The following AMBRA1 variants were observed in gnomAD, a reference collection of about 807,000 sequenced individuals.
AMBRA1 encodes autophagy and beclin 1 regulator 1.
AMBRA1 carries 47 observed loss-of-function variants against 125.4 expected under a neutral mutation model. The ratio of observed to expected loss-of-function variants is 0.37; its 90% CI spans 0.30 to 0.48. The LOEUF (loss-of-function observed/expected upper bound fraction) is 0.48, where lower values mean the gene tolerates loss of function less well. Among genes scored for constraint, AMBRA1 ranks in the 20% least tolerant of loss-of-function variants. The pLI is 0.99. For missense variants in AMBRA1, 1,331 were observed against 1,693.4 expected (o/e 0.79, Z 3.76); for synonymous variants, 626 against 655.5 (o/e 0.95, Z 0.69).
chr11:46,476,144 G>C (rs1333047532), intron 11 of AMBRA1, among the ~76,000 whole-genome samples: 1 of 152,148 alleles, frequency 6.6e-6, no homozygotes, highest in Non-Finnish European at 1.5e-5. Flanking sequence ...TAATAACAGA[G>C]AAGAGGAAAA....
intron 11 of AMBRA1, among the ~76,000 whole-genome samples, chr11:46,470,247 C>A (rs1949525022): frequency 6.6e-6 from 1 of 151,990 alleles, no homozygotes; most frequent in African/African-American, 2.4e-5. Context: ...TCAAGACCAG[C>A]CTGAGCAACA....
intron 10 of AMBRA1, 48 bp downstream of exon 10, chr11:46,494,076 C>A: frequency 6.5e-7 from 1 of 1,527,856 alleles, no homozygotes; most frequent in South Asian, 1.2e-5. Flanking sequence ...AAACTAAATC[C>A]TAGGCTCTAA....
intron 1 of AMBRA1, among the ~76,000 whole-genome samples, chr11:46,573,432 C>T (rs1332925200): frequency 6.6e-6 from 1 of 151,598 alleles, no homozygotes; most frequent in Non-Finnish European, 1.5e-5. Flanking sequence ...AAAAAAAACT[C>T]AGTCCATGCA....
intron 1 of AMBRA1, among the ~76,000 whole-genome samples, chr11:46,568,131 G>A (rs555119845): frequency 6.6e-6 from 1 of 151,008 alleles, no homozygotes; most frequent in South Asian, 2.1e-4. Flanking sequence ...CTGGGAGACA[G>A]AGTGAGACTC....
chr11:46,506,697 T>C (rs1437555486), intron 9 of AMBRA1, among the ~76,000 whole-genome samples: 1 of 152,156 alleles, frequency 6.6e-6, no homozygotes, highest in Non-Finnish European at 1.5e-5. Flanking sequence ...TTAACCGCCC[T>C]TCTCTCTCTC....
chr11:46,445,045 G>A (rs1948210138), intron 11 of AMBRA1, among the ~76,000 whole-genome samples: 1 of 144,084 alleles, frequency 6.9e-6, no homozygotes, highest in South Asian at 2.2e-4. Flanking sequence ...GTAAAAATTG[G>A]TTCAAAGGGG....
chr11:46,514,291 T>G (rs1052492563), intron 7 of AMBRA1, among the ~76,000 whole-genome samples: 1 of 152,154 alleles, frequency 6.6e-6, no homozygotes, highest in Non-Finnish European at 1.5e-5. Flanking sequence ...CCTAACAGCC[T>G]GGGGAAGAGA....
At position 46,433,610 on chromosome 11, in the gene AMBRA1, A is replaced by G. The variant is rs1261615768; in HGVS notation, c.2840T>C (p.Val947Ala). ...ATATCTGCCCATTGGGGACAGGCTCACCGAAATGGCATTGGGACCTGAGGG... is the reference window on the plus strand; with the variant it reads ...ATATCTGCCCATTGGGGACAGGCTCGCCGAAATGGCATTGGGACCTGAGGG... Reference protein sequence around the residue: ...TKRFGPNAISVSLSPMGRYVM... With the variant: ...TKRFGPNAISASLSPMGRYVM... Residue 947 changes from valine (V) to alanine (A), a missense_variant, in exon 14 of 18, where the codon GTG becomes GCG. Around this residue, in one of 4 missense-constraint regions of AMBRA1, gnomAD observed 354 missense variants for 532.7 expected, o/e 0.66. Transcript: ENST00000683756. 2 of 1,613,952 alleles carry G rather than the reference A, an allele frequency of 1.2e-6. No homozygotes were observed. Among genetic ancestry groups the G allele is most frequent in the Non-Finnish European group, 1.7e-6 (2 of 1,179,866 alleles).
intron 11 of AMBRA1, among the ~76,000 whole-genome samples, chr11:46,487,139 T>C (rs1280022352): frequency 6.6e-6 from 1 of 151,702 alleles, no homozygotes; most frequent in Admixed American, 6.6e-5. Flanking sequence ...GTGCCTACAG[T>C]TCCAGCTACT....
intron 1 of AMBRA1, among the ~76,000 whole-genome samples, chr11:46,585,695 A>AT (rs869244690): frequency 8.7e-5 from 2 of 22,912 alleles, no homozygotes; most frequent in Non-Finnish European, 1.6e-4. Context: ...AAAAAAAAAA[A>AT]ATATATATAT....
At chr11:46,513,432 TAC>T (rs1057011846) in intron 7 of AMBRA1, among the ~76,000 whole-genome samples, 1 of 152,128 alleles carries the variant, frequency 6.6e-6, no homozygotes, top group African/African-American at 2.4e-5. Context: ...ATGTGATACG[TAC>T]ATTTTATTGA....
At chr11:46,478,041 G>C (rs1309253003) in intron 11 of AMBRA1, among the ~76,000 whole-genome samples, 2 of 151,988 alleles carry the variant, frequency 1.3e-5, no homozygotes, top group East Asian at 3.9e-4. Flanking sequence ...AAAAAAGAAT[G>C]ACTGGTGAAT....
chr11:46,501,771 A>G lies in AMBRA1; in HGVS notation c.2339+6420T>C, dbSNP rs1408065190. 4.6e-5 allele frequency among the ~76,000 whole-genome samples: 7 copies of G among 152,334 alleles called. No homozygotes were observed. In the East Asian group the frequency reaches 1.3e-3, roughly 29 times the overall value. On this transcript the variant is annotated intron_variant, in intron 9 of 17. Coordinates refer to ENST00000683756, the MANE Select transcript of AMBRA1 (RefSeq NM_001387011.1). ...GCTCACATTTATTTCAATGTTTAAT[A>G]TAAGAAGTGTTTTGGGTGTTTTAGA...
At chr11:46,554,511 C>T (rs1207419652) in intron 1 of AMBRA1, among the ~76,000 whole-genome samples, 1 of 152,162 alleles carries the variant, frequency 6.6e-6, no homozygotes, top group Admixed American at 6.5e-5. Context: ...ACAGCTCAAA[C>T]AAGAGAAAGC....
At chr11:46,522,572 T>C (rs1479376129) in intron 7 of AMBRA1, among the ~76,000 whole-genome samples, 1 of 152,158 alleles carries the variant, frequency 6.6e-6, no homozygotes, top group East Asian at 1.9e-4. Context: ...ACATGCCCCC[T>C]ACATGCAACA....
intron 11 of AMBRA1, among the ~76,000 whole-genome samples, chr11:46,483,826 A>G (rs1235617555): frequency 6.6e-6 from 1 of 152,012 alleles, no homozygotes; most frequent in Non-Finnish European, 1.5e-5. Flanking sequence ...TGAATCTGGG[A>G]GGTGGAGGTT....
intron 11 of AMBRA1, among the ~76,000 whole-genome samples, chr11:46,457,228 T>C (rs187145027): frequency 1.1e-4 from 17 of 152,340 alleles, no homozygotes; most frequent in African/African-American, 3.8e-4. Flanking sequence ...GCCTGCTTCA[T>C]TCAGGCTAAG....
At chr11:46,545,005 T>C (rs983257174) in intron 5 of AMBRA1, among the ~76,000 whole-genome samples, 1 of 151,918 alleles carries the variant, frequency 6.6e-6, no homozygotes, top group African/African-American at 2.4e-5. Flanking sequence ...CACACACCTG[T>C]AGTCCCAGAT....
In AMBRA1 at chr11:46,542,127, G is replaced by A. The variant is rs748483712; in HGVS notation, c.1890C>T (p.Ser630=). The A allele has an allele frequency of 1.2e-6, 2 of 1,614,080 alleles. No homozygotes were observed. Among genetic ancestry groups the A allele is most frequent in the South Asian group, 2.2e-5 (2 of 91,086 alleles). Residue 630 remains serine (S), a synonymous_variant, in exon 7 of 18, where the codon AGC becomes AGT. Transcript: ENST00000683756. This position sits in a 1 kb window ranked among gnomAD's most constrained non-coding sequence, Gnocchi z 5.9. ...ERTEGQTPSS[S]RLELSSSASP... ...TAGCAGAGCTGCTCAACTCCAGCCTGCTGGAGCTGGGCGTTTGGCCCTCAG... is the reference window on the plus strand; with the variant it reads ...TAGCAGAGCTGCTCAACTCCAGCCTACTGGAGCTGGGCGTTTGGCCCTCAG...
Sources: allele counts gnomAD v4.1 joint callset (sites outside exome capture counted in the v4.1 genomes callset), GRCh38; gene constraint gnomAD v4.1.1; regional missense constraint gnomAD v4.1.1; non-coding constraint Gnocchi (gnomAD v3.1); transcripts MANE v1.5; gene names NCBI Gene and HGNC (gene_info 2026-07-23, HGNC 2026-07-21).